TNRC6C: variants seen among roughly 807,000 people sequenced by gnomAD.
TNRC6C encodes the protein trinucleotide repeat containing adaptor 6C, also known as trinucleotide repeat-containing gene 6C protein.
Under a neutral mutation model 153.7 loss-of-function variants are expected in TNRC6C, and 20 were observed. The observed-to-expected ratio is 0.13, with a 90% confidence interval of 0.09 to 0.19. TNRC6C has a LOEUF of 0.19. Among genes scored for constraint, TNRC6C ranks in the 10% least tolerant of loss-of-function variants. TNRC6C has a pLI of 1.00. For missense variants in TNRC6C, 1,987 were observed against 2,172.0 expected, an observed-to-expected ratio of 0.91 and a Z score of 1.69; for synonymous variants, 811 against 841.4, an observed-to-expected ratio of 0.96 and a Z score of 0.63.
At chr17:77,972,179 C>T (rs545680474) in intron 1 of TNRC6C, among the ~76,000 whole-genome samples, 26 of 151,994 alleles carry the variant, frequency 1.7e-4, no homozygotes, top group African/African-American at 6.0e-4. Context: ...CTAGACTGAC[C>T]AAGAGAAAAC....
chr17:78,056,267 C>T (rs896172367), intron 3 of TNRC6C, among the ~76,000 whole-genome samples: 11 of 151,942 alleles, frequency 7.2e-5, no homozygotes, highest in Admixed American at 7.2e-4. Flanking sequence ...AAGCGATTCT[C>T]CTGCCTCAGC....
At chr17:78,007,779 T>C (rs922179539) in intron 1 of TNRC6C, among the ~76,000 whole-genome samples, 1 of 152,238 alleles carries the variant, frequency 6.6e-6, no homozygotes, top group African/African-American at 2.4e-5. Context: ...TCAATCAACA[T>C]TGTAGAAGTT....
chr17:77,958,178 G>T (rs912438580), upstream of TNRC6C, among the ~76,000 whole-genome samples: 2 of 151,426 alleles, frequency 1.3e-5, no homozygotes, highest in African/African-American at 4.9e-5. Context: ...GCGCCGCCGG[G>T]CGCAATTACA....
intron 2 of TNRC6C, among the ~76,000 whole-genome samples, chr17:78,048,165 T>C (rs928683848): frequency 2.6e-5 from 4 of 151,310 alleles, no homozygotes; most frequent in Non-Finnish European, 5.9e-5. Flanking sequence ...TTTTTTTTTT[T>C]ATTATGAATG....
chr17:77,964,474 G>T (rs1598635370), intron 1 of TNRC6C, among the ~76,000 whole-genome samples: 1 of 152,284 alleles, frequency 6.6e-6, no homozygotes, highest in South Asian at 2.1e-4. Context: ...TGCTTTGTTT[G>T]ATTCATTTTA....
chr17:77,958,768 A>AGCCGCC (rs535480420), upstream of TNRC6C, among the ~76,000 whole-genome samples: 1 of 149,824 alleles, frequency 6.7e-6, no homozygotes, highest in Non-Finnish European at 1.5e-5. Context: ...CGGGAGCCGT[A>AGCCGCC]GCCGCCGCCG....
intron 1 of TNRC6C, among the ~76,000 whole-genome samples, chr17:77,981,396 T>C (rs1307577384): frequency 6.6e-6 from 1 of 152,216 alleles, no homozygotes; most frequent in African/African-American, 2.4e-5. Flanking sequence ...TTGGTGTTTA[T>C]GGAGACCAGC....
chr17:78,055,989 G>A (rs1452162444), intron 3 of TNRC6C, among the ~76,000 whole-genome samples: 2 of 152,084 alleles, frequency 1.3e-5, no homozygotes, highest in Admixed American at 1.3e-4. Context: ...TTTGTTGGGG[G>A]ATCTCTCCCC....
chr17:78,080,624 C>G (rs2073162695), intron 10 of TNRC6C, among the ~76,000 whole-genome samples: 1 of 152,034 alleles, frequency 6.6e-6, no homozygotes, highest in South Asian at 2.1e-4. Flanking sequence ...AGTTCTTACC[C>G]CTTATAATAT....
intron 5 of TNRC6C, among the ~76,000 whole-genome samples, chr17:78,070,468 G>A (rs1164954148): frequency 6.6e-6 from 1 of 152,102 alleles, no homozygotes; most frequent in Non-Finnish European, 1.5e-5. Flanking sequence ...TTATTGAGAA[G>A]CCTCCTGGCT....
chr17:78,067,994 T>G, intron 5 of TNRC6C, 71 bp downstream of exon 7: 2 of 1,505,642 alleles, frequency 1.3e-6, no homozygotes, highest in South Asian at 2.7e-5. Context: ...CAGTATCCAG[T>G]TAATCAGACA....
At chr17:77,996,988 A>G (rs1178752329) in intron 1 of TNRC6C, among the ~76,000 whole-genome samples, 1 of 152,224 alleles carries the variant, frequency 6.6e-6, no homozygotes, top group Non-Finnish European at 1.5e-5. Context: ...AATGAGAAGC[A>G]TTACTTGTTC....
intron 5 of TNRC6C, among the ~76,000 whole-genome samples, chr17:78,069,030 A>G (rs1388236893): frequency 6.6e-6 from 1 of 152,234 alleles, no homozygotes; most frequent in Non-Finnish European, 1.5e-5. Context: ...AACTATGACC[A>G]AAATCTAAAA....
At chr17:77,965,295 C>T (rs989945220) in intron 1 of TNRC6C, among the ~76,000 whole-genome samples, 11 of 152,202 alleles carry the variant, frequency 7.2e-5, no homozygotes, top group Admixed American at 4.6e-4. Context: ...TTCCTCTGTT[C>T]TGTGTCCTGC....
intron 3 of TNRC6C, among the ~76,000 whole-genome samples, chr17:78,058,741 A>G (rs2072707506): frequency 6.6e-6 from 1 of 152,262 alleles, no homozygotes; most frequent in Non-Finnish European, 1.5e-5. Context: ...GCAGCTCTTC[A>G]GAGATGTATC....
chr17:78,003,189 A>G (rs2071438959), upstream of TNRC6C, among the ~76,000 whole-genome samples: 1 of 152,162 alleles, frequency 6.6e-6, no homozygotes, highest in South Asian at 2.1e-4. Flanking sequence ...TTCCCTACCT[A>G]ATATCCCTAA....
chr17:78,028,658 AC>A (rs1383124973), intron 1 of TNRC6C, among the ~76,000 whole-genome samples: 1 of 151,850 alleles, frequency 6.6e-6, no homozygotes, highest in Non-Finnish European at 1.5e-5. Context: ...ACTGGAGCTG[AC>A]AATGTAAAGG....
intron 13 of TNRC6C, 175 bp from the exon 16 acceptor site, chr17:78,091,264 TG>T: frequency 1.7e-6 from 1 of 588,148 alleles, no homozygotes; most frequent in Non-Finnish European, 2.5e-6. Context: ...AGGCGGAGGT[TG>T]CAATGAGCCA....
At chr17:78,023,658 T>G (rs1179602241) in intron 1 of TNRC6C, among the ~76,000 whole-genome samples, 2 of 151,114 alleles carry the variant, frequency 1.3e-5, no homozygotes, top group Non-Finnish European at 3.0e-5. Flanking sequence ...TACAAAAAAT[T>G]AGCTGGGCAT....
Sources: allele counts gnomAD v4.1 joint callset (sites outside exome capture counted in the v4.1 genomes callset), GRCh38; gene constraint gnomAD v4.1.1; transcripts MANE v1.5; gene names NCBI Gene and HGNC (gene_info 2026-07-23, HGNC 2026-07-21).